The following PPP2R5A variants were observed in gnomAD, a reference collection of about 807,000 sequenced individuals.
PPP2R5A encodes serine/threonine-protein phosphatase 2A 56 kDa regulatory subunit alpha isoform.
A neutral mutation model predicts 64.2 loss-of-function variants in PPP2R5A; 25 were observed. The observed-to-expected ratio is 0.39, with a 90% CI of 0.28 to 0.54. The LOEUF (loss-of-function observed/expected upper bound fraction) is 0.54, where lower values mean the gene tolerates loss of function less well. Among genes scored for constraint, PPP2R5A ranks in the 20% least tolerant of loss-of-function variants. PPP2R5A has a pLI of 0.67. For synonymous variants in PPP2R5A, 198 were observed against 201.2 expected, an observed-to-expected ratio of 0.98 and a Z score of 0.13; for missense variants, 425 against 576.3, an observed-to-expected ratio of 0.74 and a Z score of 2.69.
intron 2 of PPP2R5A, among the ~76,000 whole-genome samples, chr1:212,331,161 T>G (rs1659497265): frequency 1.1e-5 from 1 of 89,574 alleles, no homozygotes; most frequent in African/African-American, 5.3e-5. Flanking sequence ...GAATGAGACC[T>G]TGTCTCAAAA....
At chr1:212,314,762 C>T (rs1659113480) in intron 1 of PPP2R5A, among the ~76,000 whole-genome samples, 1 of 151,878 alleles carries the variant, frequency 6.6e-6, no homozygotes, top group African/African-American at 2.4e-5. Context: ...GAGGTTTCAC[C>T]ATATTGGCCA....
intron 1 of PPP2R5A, chr1:212,299,316 CAGTT>C (rs1571575984): frequency 6.6e-6 from 1 of 152,144 alleles, no homozygotes; most frequent in Admixed American, 6.5e-5. Flanking sequence ...ATTTGTGTCA[CAGTT>C]AGATTTTGGA....
In PPP2R5A at chr1:212,295,239, A is replaced by G. The variant is rs1658670586; in HGVS notation, c.181+8948A>G. ...GACAAGAGATAAAGGTGCTTGTCCA[A>G]GTGGGGATGGGGTGGTATCATAGGC... On this transcript the variant is annotated intron_variant, in intron 1 of 12. Transcript: ENST00000261461. Among the ~76,000 whole-genome samples, 4 of 152,342 alleles carry G rather than the reference A, an allele frequency of 2.6e-5. No homozygotes were observed. The South Asian group carries it at 6.2e-4, about 24-fold the overall frequency.
At chr1:212,337,992 C>T (rs1329365196) in intron 3 of PPP2R5A, among the ~76,000 whole-genome samples, 3 of 152,096 alleles carry the variant, frequency 2.0e-5, no homozygotes, top group Non-Finnish European at 2.9e-5. Context: ...GGTTGGAAAA[C>T]ATTGGTCACC....
chr1:212,292,111 C>T (rs1402093405), intron 1 of PPP2R5A, among the ~76,000 whole-genome samples: 1 of 152,190 alleles, frequency 6.6e-6, no homozygotes, highest in South Asian at 2.1e-4. Context: ...TTTTATTTCA[C>T]ATTAAGAAAT....
In PPP2R5A at chr1:212,356,613, T is replaced by G. The variant is rs1359260065; in HGVS notation, c.928-13T>G. 4 of 1,606,862 alleles carry G rather than the reference T, an allele frequency of 2.5e-6. No homozygotes were observed. The highest frequency in any genetic ancestry group is 1.3e-5 in the African/African-American group (1 of 74,526). ...TGTTATTAAATTCATGCTAAACTTT[T>G]TCTTTTTCGCAGGTGATCAGAGGAC... On this transcript the variant is annotated splice_polypyrimidine_tract_variant and intron_variant, in intron 8 of 12. Transcript: ENST00000261461.
At chr1:212,306,159 T>C (rs1658896922) in intron 1 of PPP2R5A, among the ~76,000 whole-genome samples, 1 of 152,116 alleles carries the variant, frequency 6.6e-6, no homozygotes, top group Non-Finnish European at 1.5e-5. Flanking sequence ...CTAAACATTG[T>C]ATTTTTTTTA....
At chr1:212,324,692 C>T (rs910713021) in intron 1 of PPP2R5A, among the ~76,000 whole-genome samples, 7 of 151,854 alleles carry the variant, frequency 4.6e-5, no homozygotes, top group African/African-American at 1.7e-4. Flanking sequence ...GCAAGCTCTG[C>T]CTCCCGGGTT....
At position 212,302,721 on chromosome 1, in the gene PPP2R5A, T is replaced by C. The variant is rs1421367187; in HGVS notation, c.181+16430T>C. Among the ~76,000 whole-genome samples the C allele has an allele frequency of 2.0e-5, 3 of 152,176 alleles. No homozygotes were observed. The East Asian group carries it at 5.8e-4, about 29-fold the overall frequency. ...ATAGTTTTATCATCTCAAAAAGATA[T>C]CCCATGCCCTTTAACTGTCACCCCC... On this transcript the variant is annotated intron_variant, in intron 1 of 12. Transcript: ENST00000261461.
chr1:212,301,512 C>G (rs915136417), intron 1 of PPP2R5A, among the ~76,000 whole-genome samples: 1 of 152,096 alleles, frequency 6.6e-6, no homozygotes, highest in Non-Finnish European at 1.5e-5. Flanking sequence ...TCCTGAAATA[C>G]GATGTCTACA....
In PPP2R5A at chr1:212,307,058, C is replaced by T. The variant is rs767001803; in HGVS notation, c.181+20767C>T. Among the ~76,000 whole-genome samples the T allele has an allele frequency of 8.7e-4, 132 of 152,266 alleles. 1 individual carries two copies. The Middle Eastern group carries it at 0.02, about 24-fold the overall frequency. ...ACAGGCGTGAGTCACCATGCCCCTC[C>T]GGTTAATCCATTTACACTTAATGTA... On this transcript the variant is annotated intron_variant, in intron 1 of 12. Coordinates refer to ENST00000261461, the MANE Select transcript of PPP2R5A (RefSeq NM_006243.4).
At chr1:212,301,590 G>A (rs1317089262) in intron 1 of PPP2R5A, among the ~76,000 whole-genome samples, 1 of 152,142 alleles carries the variant, frequency 6.6e-6, no homozygotes, top group Non-Finnish European at 1.5e-5. Context: ...TAGTCACAGT[G>A]CTGTGAATCA....
chr1:212,314,330 T>C (rs1659103519), intron 1 of PPP2R5A, among the ~76,000 whole-genome samples: 1 of 152,216 alleles, frequency 6.6e-6, no homozygotes, highest in South Asian at 2.1e-4. Flanking sequence ...ATCCCTGTTC[T>C]ATCCTTTCTG....
At chr1:212,321,186 G>C (rs531534439) in intron 1 of PPP2R5A, among the ~76,000 whole-genome samples, 1 of 146,608 alleles carries the variant, frequency 6.8e-6, no homozygotes, top group South Asian at 2.1e-4. Flanking sequence ...CTGGCCAGGC[G>C]GGGGGCTGAC....
chr1:212,313,208 TC>T (rs1659072473), intron 1 of PPP2R5A, among the ~76,000 whole-genome samples: 1 of 152,226 alleles, frequency 6.6e-6, no homozygotes, highest in African/African-American at 2.4e-5. Context: ...GCGATCACAG[TC>T]CTGTACTGCC....
Position 212,323,412 on chromosome 1 carries a change from C to G in PPP2R5A, c.182-5723C>G, listed in dbSNP as rs187927938. 4.1e-3 allele frequency among the ~76,000 whole-genome samples: 626 copies of G among 152,354 alleles called. 2 individuals are homozygous for G. Among genetic ancestry groups the G allele is most frequent in the Non-Finnish European group, 5.1e-3 (348 of 68,042 alleles). On this transcript the variant is annotated intron_variant, in intron 1 of 12. Coordinates refer to ENST00000261461, the MANE Select transcript of PPP2R5A (RefSeq NM_006243.4). ...TAGTACTGTATTTTAATACGTAGCA[C>G]AGCAGACTGCTCAATAGACATTATA...
At chr1:212,290,086 A>G (rs1048192718) in intron 1 of PPP2R5A, among the ~76,000 whole-genome samples, 4 of 152,250 alleles carry the variant, frequency 2.6e-5, no homozygotes, top group Non-Finnish European at 4.4e-5. Flanking sequence ...AGTCCCCTTC[A>G]GAAGAGGTAA....
At chr1:212,290,618 C>A (rs1427794412) in intron 1 of PPP2R5A, among the ~76,000 whole-genome samples, 1 of 152,036 alleles carries the variant, frequency 6.6e-6, no homozygotes, top group African/African-American at 2.4e-5. Context: ...CTATTTAAAC[C>A]CATTTTAACA....
intron 1 of PPP2R5A, among the ~76,000 whole-genome samples, chr1:212,300,148 T>C (rs986600657): frequency 6.6e-6 from 1 of 152,170 alleles, no homozygotes; most frequent in African/African-American, 2.4e-5. Context: ...ATAGGAAAGG[T>C]AAAAATAACT....
Sources: gnomAD v4.1 joint callset for allele counts (sites outside exome capture counted in the v4.1 genomes callset) on GRCh38, gnomAD v4.1.1 for gene constraint, MANE v1.5 for transcripts, NCBI Gene and HGNC (gene_info 2026-07-23, HGNC 2026-07-21) for gene names.